The following DISC1 variants were observed in gnomAD, a reference collection of about 807,000 sequenced individuals.
DISC1 encodes the protein DISC1 scaffold protein, also known as disrupted in schizophrenia 1 protein.
A neutral mutation model predicts 84.5 loss-of-function variants in DISC1; 57 were observed. The ratio of observed to expected loss-of-function variants is 0.67; its 90% CI spans 0.55 to 0.84. The LOEUF (loss-of-function observed/expected upper bound fraction) is 0.84, where lower values mean the gene tolerates loss of function less well. DISC1 is among the 40% of genes least tolerant of loss of function. DISC1 has a pLI of 0.00. For missense variants in DISC1, 1,000 were observed against 1,057.8 expected (o/e 0.95, Z 0.76); for synonymous variants, 411 against 415.2 (o/e 0.99, Z 0.12).
At chr1:231,736,675 T>C (rs2072548770) in intron 3 of DISC1, among the ~76,000 whole-genome samples, 1 of 152,222 alleles carries the variant, frequency 6.6e-6, no homozygotes, top group African/African-American at 2.4e-5. Flanking sequence ...CTCTGCAAAG[T>C]GGTCATCCAC....
At chr1:231,883,790 T>C (rs188599334) in intron 9 of DISC1, among the ~76,000 whole-genome samples, 8 of 152,064 alleles carry the variant, frequency 5.3e-5, no homozygotes, top group African/African-American at 1.9e-4. Context: ...GAGGGTAGGA[T>C]AGAGGAAAAG....
intron 9 of DISC1, among the ~76,000 whole-genome samples, chr1:231,847,675 A>G (rs190700092): frequency 1.2e-4 from 18 of 152,140 alleles, no homozygotes; most frequent in Non-Finnish European, 1.9e-4. Flanking sequence ...TCATCCTAAA[A>G]TGGTTTCTCC....
chr1:231,889,271 G>A (rs1056038520), intron 9 of DISC1, among the ~76,000 whole-genome samples: 6 of 152,182 alleles, frequency 3.9e-5, no homozygotes, highest in African/African-American at 1.4e-4. Flanking sequence ...GGCAGGACAA[G>A]CCACCTTTGT....
rs2083948264 is a variant in DISC1, at chr1:231,852,275, G to A, written c.1981+33758G>A. Among the ~76,000 whole-genome samples the A allele has an allele frequency of 3.3e-5, 5 of 152,190 alleles. No individual in the cohort carries two copies. In the South Asian group the frequency reaches 1.0e-3, roughly 31 times the overall value. Reference sequence around the variant, plus strand: ...TCAGAATATCTGAAGGTGACATTTGGAGTCGCTCATTGATTCAATTATTCT... The same window carrying A: ...TCAGAATATCTGAAGGTGACATTTGAAGTCGCTCATTGATTCAATTATTCT... On this transcript the variant is annotated intron_variant, in intron 9 of 12. Transcript: ENST00000439617.
Position 231,693,810 on chromosome 1 carries a change from T to C in DISC1, c.68-16T>C, listed in dbSNP as rs1279186286. The stretch of plus-strand genomic sequence containing the variant: ...GATCTGCATGTTTATGGTGCTGTTT[T>C]TTCTTTTCTTCCCAGGCAGCCGGGA... On this transcript the variant is annotated splice_polypyrimidine_tract_variant and intron_variant, in intron 1 of 12. Coordinates refer to ENST00000439617, the MANE Select transcript of DISC1 (RefSeq NM_018662.3). The C allele has an allele frequency of 6.2e-7, 1 of 1,612,710 alleles. No homozygotes were observed. The highest frequency in any genetic ancestry group is 8.5e-7 in the Non-Finnish European group (1 of 1,180,024).
rs144199394 is a variant in DISC1 at position 231,853,903 on chromosome 1, G to C, written c.1981+35386G>C. ...TGGGGAGTCCCAGTGGCCCTAATGAGACTGGAAATACCACCCTAAACAACC... is the reference window on the plus strand; with the variant it reads ...TGGGGAGTCCCAGTGGCCCTAATGACACTGGAAATACCACCCTAAACAACC... On this transcript the variant is annotated intron_variant, in intron 9 of 12. Coordinates refer to ENST00000439617, the MANE Select transcript of DISC1 (RefSeq NM_018662.3). Among the ~76,000 whole-genome samples, 1,128 of 152,326 alleles carry C rather than the reference G, an allele frequency of 7.4e-3. 4 individuals are homozygous for C. The highest frequency in any genetic ancestry group is 0.011 in the Non-Finnish European group (754 of 68,030).
Position 231,687,391 on chromosome 1 carries a change from G to C in DISC1, c.68-6435G>C, listed in dbSNP as rs2064419944. On this transcript the variant is annotated intron_variant, in intron 1 of 12. Transcript: ENST00000439617. ...TTACATGGTGGCAGCAAGAGAAAAT[G>C]AGGAAGAAGCAAAAGCAGAAGCCCT... Among the ~76,000 whole-genome samples the C allele has an allele frequency of 2.0e-5, 3 of 152,158 alleles. No individual in the cohort carries two copies. In the South Asian group the frequency reaches 6.2e-4, roughly 32 times the overall value.
chr1:231,649,705 G>T (rs2060452655), intron 1 of DISC1, among the ~76,000 whole-genome samples: 1 of 152,176 alleles, frequency 6.6e-6, no homozygotes, highest in Non-Finnish European at 1.5e-5. Context: ...TCTCTTTGCA[G>T]ATCTCTAAAG....
chr1:231,970,008 G>T (rs145836150), intron 10 of DISC1, among the ~76,000 whole-genome samples: 2 of 152,142 alleles, frequency 1.3e-5, no homozygotes, highest in Admixed American at 1.3e-4. Context: ...ATTGATGGAC[G>T]TTTGGGTTGG....
intron 1 of DISC1, among the ~76,000 whole-genome samples, chr1:231,639,085 C>T (rs2059415677): frequency 6.6e-6 from 1 of 152,132 alleles, no homozygotes; most frequent in Non-Finnish European, 1.5e-5. Flanking sequence ...TGCCCCCAAC[C>T]AGGAGTGGCT....
At chr1:231,690,317 C>G (rs529209113) in intron 1 of DISC1, among the ~76,000 whole-genome samples, 2 of 152,322 alleles carry the variant, frequency 1.3e-5, no homozygotes, top group South Asian at 4.1e-4. Flanking sequence ...GCAGAGAAAG[C>G]TGCGCCAGGC....
intron 9 of DISC1, among the ~76,000 whole-genome samples, chr1:231,835,656 G>A (rs1348500340): frequency 6.6e-6 from 1 of 152,156 alleles, no homozygotes; most frequent in African/African-American, 2.4e-5. Context: ...ACAGTGTGTT[G>A]TCTATGTCCT....
chr1:231,918,995 C>T (rs2089825543), intron 9 of DISC1, among the ~76,000 whole-genome samples: 1 of 152,158 alleles, frequency 6.6e-6, no homozygotes, highest in Non-Finnish European at 1.5e-5. Flanking sequence ...TATAACCTTC[C>T]ATGAAGCTCC....
At chr1:231,759,547 A>AC (rs1455624930) in intron 4 of DISC1, among the ~76,000 whole-genome samples, 207 of 142,214 alleles carry the variant, frequency 1.5e-3, no homozygotes, top group Non-Finnish European at 2.6e-3. Flanking sequence ...AAAAAAAAAA[A>AC]AAAACAAAAC....
chr1:231,705,810 TTC>T (rs1259712959), intron 3 of DISC1, among the ~76,000 whole-genome samples: 2 of 152,210 alleles, frequency 1.3e-5, no homozygotes, highest in African/African-American at 4.8e-5. Context: ...TTGCTCCTTT[TTC>T]TCTGTTAGGA....
chr1:231,789,071 G>GTTACATAAATTAGTTACATAATAAA (rs1453029716), intron 6 of DISC1, among the ~76,000 whole-genome samples: 7 of 152,166 alleles, frequency 4.6e-5, no homozygotes, highest in Non-Finnish European at 1.0e-4. Flanking sequence ...TAATAAATTA[G>GTTACATAAATTAGTTACATAATAAA]TAAGTTACAT....
chr1:231,741,519 C>A (rs1238908833), intron 3 of DISC1, among the ~76,000 whole-genome samples: 1 of 152,186 alleles, frequency 6.6e-6, no homozygotes, highest in Non-Finnish European at 1.5e-5. Context: ...GGTCACTATA[C>A]AATGACCAAC....
intron 10 of DISC1, among the ~76,000 whole-genome samples, chr1:231,966,208 C>G (rs1661098022): frequency 6.6e-6 from 1 of 151,846 alleles, no homozygotes; most frequent in African/African-American, 2.4e-5. Context: ...GATACAGTGC[C>G]CAAATCCATT....
At chr1:231,823,080 C>T (rs1263161775) in intron 9 of DISC1, among the ~76,000 whole-genome samples, 2 of 152,144 alleles carry the variant, frequency 1.3e-5, no homozygotes, top group African/African-American at 4.8e-5. Context: ...ACTGAGATAT[C>T]GGTTTAACTC....
Sources: gnomAD v4.1 joint callset for allele counts (sites outside exome capture counted in the v4.1 genomes callset) on GRCh38, gnomAD v4.1.1 for gene constraint, MANE v1.5 for transcripts, NCBI Gene and HGNC (gene_info 2026-07-23, HGNC 2026-07-21) for gene names.